Variants in VPS50 observed in about 807,000 individuals in gnomAD.
VPS50 encodes syndetin.
Under a neutral mutation model 139.7 loss-of-function variants are expected in VPS50, and 70 were observed. The ratio of observed to expected loss-of-function variants is 0.50; its 90% CI spans 0.41 to 0.61. VPS50 has a LOEUF of 0.61. Ranked by LOEUF, VPS50 falls within the 20% of genes least tolerant of loss-of-function variation. VPS50 has a pLI of 0.00. For missense variants in VPS50, 921 were observed against 1,133.7 expected (o/e 0.81, Z 2.69); for synonymous variants, 365 against 376.7 (o/e 0.97, Z 0.36).
chr7:93,318,057 AATC>A (rs1297434848), intron 20 of VPS50, among the ~76,000 whole-genome samples: 1 of 150,588 alleles, frequency 6.6e-6, no homozygotes, highest in African/African-American at 2.4e-5. Flanking sequence ...TTCTGTTTAT[AATC>A]ATATAATAAT....
At chr7:93,295,522 C>T (rs1796783915) in intron 14 of VPS50, 1 of 152,140 alleles carries the variant, frequency 6.6e-6, no homozygotes, top group Admixed American at 6.5e-5. Flanking sequence ...TTTAGTAACT[C>T]AGTTGTTGTA....
intron 22 of VPS50, among the ~76,000 whole-genome samples, chr7:93,335,934 C>A (rs1798058768): frequency 6.6e-6 from 1 of 152,172 alleles, no homozygotes; most frequent in Non-Finnish European, 1.5e-5. Flanking sequence ...TGAATTATTA[C>A]TCATACTGAT....
intron 25 of VPS50, among the ~76,000 whole-genome samples, 164 bp downstream of exon 25, chr7:93,350,197 T>C (rs1164704322): frequency 1.3e-5 from 2 of 152,226 alleles, no homozygotes; most frequent in Non-Finnish European, 2.9e-5. Context: ...GAATTTGTCT[T>C]CTATTAGCTC....
rs1798777366 is a variant in VPS50, at chr7:93,358,816, T to G, written c.*380T>G. 1 of 162,442 alleles carries G rather than the reference T, an allele frequency of 6.2e-6. No homozygotes were observed. The highest frequency in any genetic ancestry group is 6.0e-5 in the Admixed American group (1 of 16,772). The allele number at this position is 162,442 out of a possible 1,614,324, so 10.1% of individuals were successfully genotyped here. A position where few individuals can be genotyped will look rare whatever the true frequency, so the allele number is the denominator to read the frequency against. ...CACTTTTCTACCCTCTGAGCTTGGT[T>G]CTTAATAAGCATAATGTGAGGGTGA... On this transcript the variant is annotated 3_prime_UTR_variant, in exon 28 of 28. Transcript: ENST00000305866.
intron 9 of VPS50, among the ~76,000 whole-genome samples, chr7:93,260,674 T>G (rs1435137065): frequency 1.4e-5 from 2 of 148,090 alleles, no homozygotes; most frequent in East Asian, 3.9e-4. Context: ...AAGTTACATG[T>G]TTTTTTGTTT....
intron 12 of VPS50, among the ~76,000 whole-genome samples, chr7:93,278,170 G>C (rs548347859): frequency 1.6e-4 from 25 of 152,206 alleles, no homozygotes; most frequent in African/African-American, 4.3e-4. Context: ...TTGTGCTCAT[G>C]CTTCATGAGA....
chr7:93,335,937 A>G (rs902975548), intron 22 of VPS50, among the ~76,000 whole-genome samples: 6 of 152,228 alleles, frequency 3.9e-5, no homozygotes, highest in African/African-American at 1.4e-4. Flanking sequence ...ATTATTACTC[A>G]TACTGATAAA....
chr7:93,259,801 G>A (rs887127100), intron 9 of VPS50, among the ~76,000 whole-genome samples, 169 bp downstream of exon 9: 2 of 152,198 alleles, frequency 1.3e-5, no homozygotes, highest in East Asian at 3.9e-4. Context: ...TAGGCTTTAA[G>A]GTGTGAAAGA....
intron 21 of VPS50, among the ~76,000 whole-genome samples, chr7:93,329,912 ACTG>A (rs895216338): frequency 1.3e-5 from 2 of 152,210 alleles, no homozygotes; most frequent in African/African-American, 4.8e-5. Context: ...AAGTTATTAA[ACTG>A]AAGGGGAATG....
intron 9 of VPS50, among the ~76,000 whole-genome samples, chr7:93,263,889 A>G (rs1207631805): frequency 3.3e-5 from 5 of 152,192 alleles, no homozygotes; most frequent in African/African-American, 1.2e-4. Context: ...AAAAATCACA[A>G]TGCAATCATA....
chr7:93,272,841 C>T (rs867136753), intron 11 of VPS50, 108 bp downstream of exon 11: 30 of 564,726 alleles, frequency 5.3e-5, no homozygotes, highest in South Asian at 2.8e-4. Context: ...TTTTATTTAA[C>T]GAAGTACATT....
intron 2 of VPS50, among the ~76,000 whole-genome samples, chr7:93,246,828 A>ATTTTAG (rs1266125471): frequency 1.3e-4 from 20 of 151,806 alleles, no homozygotes; most frequent in Non-Finnish European, 2.7e-4. Context: ...TTTTTGGTAA[A>ATTTTAG]GTTATAGCCT....
Position 93,360,957 on chromosome 7 carries a change from T to A in VPS50, c.*2521T>A, listed in dbSNP as rs1050970690. 1.3e-5 allele frequency: 2 copies of A among 151,984 alleles called. No individual in the cohort carries two copies. The highest frequency in any genetic ancestry group is 2.9e-5 in the Non-Finnish European group (2 of 67,970). 9.4% of individuals were successfully genotyped at this position (151,984 alleles called of 1,614,324 possible). On this transcript the variant is annotated 3_prime_UTR_variant, in exon 28 of 28. Coordinates refer to ENST00000305866, the MANE Select transcript of VPS50 (RefSeq NM_017667.4). ...GAAACCAGGGCCATATGGTATTTTA[T>A]CATATCTTTAAATAAAATTTCGAAA...
At chr7:93,323,171 A>C (rs1797668549) in intron 20 of VPS50, 1 of 152,148 alleles carries the variant, frequency 6.6e-6, no homozygotes, top group African/African-American at 2.4e-5. Flanking sequence ...ATGAAAAATA[A>C]ATATTTTCTT....
At chr7:93,283,796 TATC>T (rs1234431833) in intron 12 of VPS50, among the ~76,000 whole-genome samples, 2 of 152,112 alleles carry the variant, frequency 1.3e-5, no homozygotes, top group Admixed American at 6.5e-5. Context: ...GGAAAGGAAA[TATC>T]ATGAGCAATG....
At chr7:93,354,279 TTTTTTC>T (rs1442347881) in intron 26 of VPS50, among the ~76,000 whole-genome samples, 7 of 140,570 alleles carry the variant, frequency 5.0e-5, no homozygotes, top group African/African-American at 1.8e-4. Flanking sequence ...CCTGATTTCT[TTTTTTC>T]TTTTCTTTTC....
Position 93,320,184 on chromosome 7 carries a change from C to T in VPS50, c.1856-3427C>T, listed in dbSNP as rs542589004. Among the ~76,000 whole-genome samples, 30 of 152,158 alleles carry T rather than the reference C, an allele frequency of 2.0e-4. No homozygotes were observed. In the South Asian group the frequency reaches 6.0e-3, roughly 30 times the overall value. On this transcript the variant is annotated intron_variant, in intron 20 of 27. Transcript: ENST00000305866. The stretch of plus-strand genomic sequence containing the variant: ...CTTCAGTAGAAATTCGGACTCGGAA[C>T]TTTGTGTGAAATATAGGAAAGGGCT...
rs1053803477 is a variant in VPS50 at position 93,232,460 on chromosome 7, A to G, written c.-8A>G. ...TTTGAGGCAGGGTACCCTCCTCAGGATTTCGATATGCAAAAAATCAAATCT... is the reference window on the plus strand; with the variant it reads ...TTTGAGGCAGGGTACCCTCCTCAGGGTTTCGATATGCAAAAAATCAAATCT... On this transcript the variant is annotated 5_prime_UTR_variant, in exon 1 of 28. Transcript: ENST00000305866. 2 of 1,612,464 alleles carry G rather than the reference A, an allele frequency of 1.2e-6. No homozygotes were observed. The highest frequency in any genetic ancestry group is 2.7e-5 in the African/African-American group (2 of 74,770).
chr7:93,327,632 GAAAC>G (rs1294488575), intron 21 of VPS50, among the ~76,000 whole-genome samples: 1 of 152,070 alleles, frequency 6.6e-6, no homozygotes, highest in Non-Finnish European at 1.5e-5. Flanking sequence ...TAATTATACT[GAAAC>G]AAAGAAAATC....
Sources: allele counts gnomAD v4.1 joint callset (sites outside exome capture counted in the v4.1 genomes callset), GRCh38; gene constraint gnomAD v4.1.1; transcripts MANE v1.5; gene names NCBI Gene and HGNC (gene_info 2026-07-23, HGNC 2026-07-21).